SHTN1: variants seen among roughly 807,000 people sequenced by gnomAD.
The protein encoded by SHTN1 is shootin-1.
A neutral mutation model predicts 83.1 loss-of-function variants in SHTN1; 42 were observed. The ratio of observed to expected loss-of-function variants is 0.51; its 90% CI spans 0.39 to 0.65. The LOEUF (loss-of-function observed/expected upper bound fraction) is 0.65. SHTN1 is among the 30% of genes least tolerant of loss of function. The pLI is 0.00. For synonymous variants in SHTN1, 224 were observed against 247.7 expected (o/e 0.90, Z 0.90); for missense variants, 622 against 737.8 (o/e 0.84, Z 1.82).
chr10:116,984,863 G>A (rs1451478711), intron 1 of SHTN1, among the ~76,000 whole-genome samples: 2 of 152,116 alleles, frequency 1.3e-5, no homozygotes, highest in African/African-American at 4.8e-5. Flanking sequence ...CAGCCTCAAA[G>A]GCCACACCCA....
chr10:116,983,033 G>A (rs766020424), intron 1 of SHTN1, among the ~76,000 whole-genome samples: 25 of 151,634 alleles, frequency 1.6e-4, no homozygotes, highest in African/African-American at 5.6e-4. Context: ...TTGAGAGCTC[G>A]AGAAGACTTC....
At chr10:117,115,425 G>C (rs1287925063) in intron 1 of SHTN1, among the ~76,000 whole-genome samples, 1 of 152,108 alleles carries the variant, frequency 6.6e-6, no homozygotes, top group East Asian at 1.9e-4. Context: ...CAGCGCTCAG[G>C]GAATGTTAGT....
intron 1 of SHTN1, among the ~76,000 whole-genome samples, chr10:117,102,567 C>T (rs1166974163): frequency 6.6e-6 from 1 of 152,010 alleles, no homozygotes; most frequent in African/African-American, 2.4e-5. Flanking sequence ...CTAGTGTTTT[C>T]TTGCTTTTTT....
intron 2 of SHTN1, among the ~76,000 whole-genome samples, chr10:117,041,645 G>A (rs1254864520): frequency 6.6e-6 from 1 of 152,134 alleles, no homozygotes; most frequent in Non-Finnish European, 1.5e-5. Context: ...GTTCACCTTG[G>A]TTAGGTGAAC....
At chr10:117,103,701 C>T (rs1236099879) in intron 1 of SHTN1, among the ~76,000 whole-genome samples, 3 of 150,868 alleles carry the variant, frequency 2.0e-5, no homozygotes, top group Non-Finnish European at 3.0e-5. Flanking sequence ...CACGCCCGGC[C>T]AATTTTTTGT....
chr10:117,054,000 A>G (rs1030179079), intron 1 of SHTN1, among the ~76,000 whole-genome samples: 22 of 152,254 alleles, frequency 1.4e-4, no homozygotes, highest in African/African-American at 5.1e-4. Context: ...CCAAAAGGCT[A>G]CATATTGCAT....
At chr10:116,907,882 C>G (rs1208382237) in intron 14 of SHTN1, 6 of 518,186 alleles carry the variant, frequency 1.2e-5, no homozygotes, top group Admixed American at 1.9e-5. Flanking sequence ...TCACTAAGGA[C>G]TTGCCTTAAT....
intron 1 of SHTN1, among the ~76,000 whole-genome samples, chr10:117,119,531 A>T (rs564658614): frequency 6.6e-6 from 1 of 152,230 alleles, no homozygotes; most frequent in South Asian, 2.1e-4. Flanking sequence ...TAATCAAAAG[A>T]TAAGCAATAC....
chr10:116,907,768 AG>A (rs1462028497), intron 14 of SHTN1: 1 of 443,568 alleles, frequency 2.3e-6, no homozygotes, highest in Non-Finnish European at 4.6e-6. Flanking sequence ...AGAGGACATA[AG>A]AACCTCAAGT....
intron 1 of SHTN1, among the ~76,000 whole-genome samples, chr10:116,982,585 A>T (rs1851064650): frequency 6.6e-6 from 1 of 152,208 alleles, no homozygotes; most frequent in Non-Finnish European, 1.5e-5. Context: ...GCAGTCTGAA[A>T]ATTTTAAAAA....
intron 1 of SHTN1, among the ~76,000 whole-genome samples, chr10:117,095,732 T>C (rs1421282899): frequency 1.3e-5 from 2 of 152,234 alleles, no homozygotes; most frequent in Non-Finnish European, 2.9e-5. Flanking sequence ...TTTATGATCA[T>C]CATCATTCTT....
At chr10:117,064,794 T>C (rs538322791) in intron 1 of SHTN1, among the ~76,000 whole-genome samples, 1 of 152,290 alleles carries the variant, frequency 6.6e-6, no homozygotes, top group Non-Finnish European at 1.5e-5. Flanking sequence ...CGATCTAAAT[T>C]GAACCTTACT....
intron 3 of SHTN1, among the ~76,000 whole-genome samples, chr10:116,962,944 C>A (rs1243092949): frequency 6.6e-6 from 1 of 150,924 alleles, no homozygotes; most frequent in African/African-American, 2.4e-5. Context: ...AAAAGCATGA[C>A]CCCATTTCCA....
At chr10:116,978,144 C>T (rs1383879105) in intron 2 of SHTN1, among the ~76,000 whole-genome samples, 2 of 152,108 alleles carry the variant, frequency 1.3e-5, no homozygotes, top group Non-Finnish European at 1.5e-5. Flanking sequence ...CCCTTATAAT[C>T]GGCTTCAAAC....
At chr10:116,944,663 C>G (rs1849507882) in intron 8 of SHTN1, among the ~76,000 whole-genome samples, 1 of 151,960 alleles carries the variant, frequency 6.6e-6, no homozygotes, top group Non-Finnish European at 1.5e-5. Context: ...GAGGCCAAGG[C>G]GAGCAGATCA....
rs1211000453 is a variant in SHTN1 at position 116,881,523 on chromosome 10, G to T, written c.*4821C>A. ...ATTGTTACTTTAAATAGGTTTCAAAGAAGAACACACTTTTTTTTACTTTAA... is the reference window on the plus strand; with the variant it reads ...ATTGTTACTTTAAATAGGTTTCAAATAAGAACACACTTTTTTTTACTTTAA... On this transcript the variant is annotated 3_prime_UTR_variant, in exon 17 of 17. Transcript: ENST00000355371. 1 of 1,541,668 alleles carries T rather than the reference G, an allele frequency of 6.5e-7. No homozygotes were observed. The highest frequency in any genetic ancestry group is 8.7e-7 in the Non-Finnish European group (1 of 1,143,950).
chr10:117,109,102 A>T (rs181295110), intron 1 of SHTN1, among the ~76,000 whole-genome samples: 4 of 152,352 alleles, frequency 2.6e-5, no homozygotes, highest in African/African-American at 7.2e-5. Context: ...ACGTTATAGC[A>T]ACTTGTTAGC....
At chr10:117,111,013 A>G (rs1853759724) in intron 1 of SHTN1, among the ~76,000 whole-genome samples, 2 of 151,998 alleles carry the variant, frequency 1.3e-5, no homozygotes, top group Non-Finnish European at 2.9e-5. Context: ...CCTGGCCAAC[A>G]TGGCAAAACC....
At chr10:117,083,164 C>G (rs1379923049) in intron 1 of SHTN1, among the ~76,000 whole-genome samples, 1 of 147,652 alleles carries the variant, frequency 6.8e-6, no homozygotes, top group East Asian at 2.0e-4. Flanking sequence ...GATTTTGCAG[C>G]GGCTGGTACC....
Sources: allele counts gnomAD v4.1 joint callset (sites outside exome capture counted in the v4.1 genomes callset), GRCh38; gene constraint gnomAD v4.1.1; transcripts MANE v1.5; gene names NCBI Gene and HGNC (gene_info 2026-07-23, HGNC 2026-07-21).